GNAQ: variants seen among roughly 807,000 people sequenced by gnomAD.
GNAQ encodes the protein guanine nucleotide-binding protein G(q) subunit alpha.
A neutral mutation model predicts 43.9 loss-of-function variants in GNAQ; 8 were observed. That is an observed-to-expected ratio of 0.18 (90% CI 0.11 to 0.33). The LOEUF is 0.33. GNAQ is among the 10% of genes least tolerant of loss of function. GNAQ has a pLI of 1.00. For missense variants in GNAQ, 158 were observed against 450.8 expected (o/e 0.35, Z 5.88); for synonymous variants, 155 against 170.7 (o/e 0.91, Z 0.71).
chr9:77,789,897 T>G (rs1376132706), intron 5 of GNAQ, among the ~76,000 whole-genome samples: 3 of 151,946 alleles, frequency 2.0e-5, no homozygotes, highest in Admixed American at 2.0e-4. Context: ...TCAGAAAACT[T>G]CCTTCTAGCG....
chr9:77,842,010 T>C (rs1488433511), intron 2 of GNAQ, among the ~76,000 whole-genome samples: 1 of 152,230 alleles, frequency 6.6e-6, no homozygotes, highest in Non-Finnish European at 1.5e-5. Context: ...TTCACTCCTC[T>C]GCAGGTGTAT....
chr9:78,015,119 A>T (rs1823822872), intron 1 of GNAQ, among the ~76,000 whole-genome samples: 1 of 152,210 alleles, frequency 6.6e-6, no homozygotes, highest in African/African-American at 2.4e-5. Flanking sequence ...TATGTGTATC[A>T]TATTTTATCT....
chr9:77,958,888 C>A (rs981456074), intron 1 of GNAQ, among the ~76,000 whole-genome samples: 2 of 152,158 alleles, frequency 1.3e-5, no homozygotes, highest in Admixed American at 6.5e-5. Flanking sequence ...TGGCAAACTC[C>A]TCAATTCTTT....
At chr9:78,002,915 TAGTAC>T (rs558388864) in intron 1 of GNAQ, among the ~76,000 whole-genome samples, 31 of 152,256 alleles carry the variant, frequency 2.0e-4, no homozygotes, top group African/African-American at 6.0e-4. Flanking sequence ...CCATAGCATC[TAGTAC>T]AGAACGAGAT....
intron 3 of GNAQ, among the ~76,000 whole-genome samples, chr9:77,799,607 A>G (rs1826712077): frequency 6.6e-6 from 1 of 152,222 alleles, no homozygotes; most frequent in African/African-American, 2.4e-5. Flanking sequence ...TGTAAAAAAA[A>G]TGTTAAATCT....
intron 1 of GNAQ, among the ~76,000 whole-genome samples, chr9:77,941,968 G>A (rs913802146): frequency 6.8e-6 from 1 of 147,394 alleles, no homozygotes; most frequent in Non-Finnish European, 1.5e-5. Context: ...ATAGAAAGAG[G>A]TAGGGTAGAA....
chr9:77,956,345 T>C (rs567816870), intron 1 of GNAQ, among the ~76,000 whole-genome samples: 1 of 152,356 alleles, frequency 6.6e-6, no homozygotes, highest in Admixed American at 6.5e-5. Flanking sequence ...AAATTTAAGA[T>C]TCCTAGCTAT....
chr9:77,881,895 T>C (rs930576474), intron 2 of GNAQ, among the ~76,000 whole-genome samples: 1 of 152,164 alleles, frequency 6.6e-6, no homozygotes, highest in Admixed American at 6.5e-5. Context: ...CCCAGTACTT[T>C]GGGAGGCCGT....
At chr9:77,972,018 T>C (rs1823242913) in intron 1 of GNAQ, among the ~76,000 whole-genome samples, 1 of 152,204 alleles carries the variant, frequency 6.6e-6, no homozygotes, top group Non-Finnish European at 1.5e-5. Flanking sequence ...CCTGAGACTT[T>C]GGTGAAGTTG....
chr9:77,752,683 C>T (rs1179291689), intron 5 of GNAQ, among the ~76,000 whole-genome samples: 1 of 152,186 alleles, frequency 6.6e-6, no homozygotes, highest in Non-Finnish European at 1.5e-5. Context: ...TGTTATTACA[C>T]CTCAACACTG....
At chr9:77,890,273 T>G (rs1480995145) in intron 2 of GNAQ, among the ~76,000 whole-genome samples, 2 of 152,142 alleles carry the variant, frequency 1.3e-5, no homozygotes, top group East Asian at 3.8e-4. Flanking sequence ...AACTTGAGAG[T>G]TTGACTGAAA....
At chr9:77,899,684 G>C (rs1423723907) in intron 2 of GNAQ, among the ~76,000 whole-genome samples, 102 of 152,136 alleles carry the variant, frequency 6.7e-4, no homozygotes, top group Non-Finnish European at 4.4e-5. Context: ...CAGGAGGAAA[G>C]ACAGCAGAGG....
chr9:77,794,250 T>C (rs1468319851), intron 5 of GNAQ, among the ~76,000 whole-genome samples: 1 of 152,168 alleles, frequency 6.6e-6, no homozygotes, highest in Admixed American at 6.5e-5. Context: ...AAGTATCAAA[T>C]AGGCTCTAAT....
intron 1 of GNAQ, among the ~76,000 whole-genome samples, chr9:77,937,255 C>T (rs1180871533): frequency 6.6e-6 from 1 of 151,976 alleles, no homozygotes; most frequent in African/African-American, 2.4e-5. Context: ...GCCTGGCCAA[C>T]ATAGTGAAAT....
chr9:77,788,830 G>C (rs1826523777), intron 5 of GNAQ, among the ~76,000 whole-genome samples: 2 of 152,156 alleles, frequency 1.3e-5, no homozygotes, highest in Admixed American at 6.5e-5. Flanking sequence ...CTGTCACTGA[G>C]GGAAGCTAAA....
intron 5 of GNAQ, among the ~76,000 whole-genome samples, chr9:77,737,173 A>AT (rs1825587814): frequency 6.6e-6 from 1 of 152,188 alleles, no homozygotes; most frequent in Non-Finnish European, 1.5e-5. Context: ...TACACCCATT[A>AT]TTCTGTGCTA....
intron 5 of GNAQ, 136 bp downstream of exon 5, chr9:77,794,327 T>C: frequency 3.7e-6 from 2 of 534,666 alleles, no homozygotes; most frequent in South Asian, 6.6e-5. Context: ...TATTTTTGGT[T>C]ATTTTAAAAG....
intron 3 of GNAQ, among the ~76,000 whole-genome samples, chr9:77,813,423 C>T (rs944757112): frequency 2.0e-4 from 31 of 152,266 alleles, no homozygotes; most frequent in African/African-American, 7.2e-4. Flanking sequence ...CAGCTTTTCC[C>T]AGGATCACAG....
intron 5 of GNAQ, among the ~76,000 whole-genome samples, chr9:77,751,286 A>G (rs1825806862): frequency 6.6e-6 from 1 of 152,196 alleles, no homozygotes; most frequent in Non-Finnish European, 1.5e-5. Flanking sequence ...GATCTGGAAG[A>G]ATTTCATATT....
Sources: gnomAD v4.1 joint callset for allele counts (sites outside exome capture counted in the v4.1 genomes callset) on GRCh38, gnomAD v4.1.1 for gene constraint, MANE v1.5 for transcripts, NCBI Gene and HGNC (gene_info 2026-07-23, HGNC 2026-07-21) for gene names.